LRRC7: variants seen among roughly 807,000 people sequenced by gnomAD.
The protein encoded by LRRC7 is leucine rich repeat containing 7, also known as leucine-rich repeat-containing protein 7.
Under a neutral mutation model 175.7 loss-of-function variants are expected in LRRC7, and 23 were observed. That is an observed-to-expected ratio of 0.13 (90% CI 0.09 to 0.19). The LOEUF (loss-of-function observed/expected upper bound fraction) is 0.19. Among genes scored for constraint, LRRC7 ranks in the 10% least tolerant of loss-of-function variants. The pLI is 1.00. For synonymous variants in LRRC7, 685 were observed against 680.9 expected (o/e 1.01, Z -0.09); for missense variants, 1,354 against 1,904.7 (o/e 0.71, Z 5.38).
At position 70,130,251 on chromosome 1, in the gene LRRC7, G is replaced by A. The variant is rs1190028763; in HGVS notation, c.*8364G>A. On this transcript the variant is annotated 3_prime_UTR_variant, in exon 27 of 27. Transcript: ENST00000651989. Reference sequence around the variant, plus strand: ...AGGACTTCTAGACAGAAGAGCCTCAGGAGAGGTAAAATGACCAGATGTTTT... The same window carrying A: ...AGGACTTCTAGACAGAAGAGCCTCAAGAGAGGTAAAATGACCAGATGTTTT... The A allele has an allele frequency of 6.6e-6, 1 of 152,188 alleles. No homozygotes were observed. Among genetic ancestry groups the A allele is most frequent in the Non-Finnish European group, 1.5e-5 (1 of 68,042 alleles). 9.4% of individuals were successfully genotyped at this position (152,188 alleles called of 1,614,324 possible).
chr1:70,035,076 T>C (rs1311066424), intron 18 of LRRC7, among the ~76,000 whole-genome samples: 1 of 152,204 alleles, frequency 6.6e-6, no homozygotes, highest in Non-Finnish European at 1.5e-5. Flanking sequence ...TTTTCTCTGA[T>C]TTAACAAAAT....
intron 7 of LRRC7, among the ~76,000 whole-genome samples, chr1:69,913,453 T>G (rs151247383): frequency 1.5e-5 from 2 of 137,672 alleles, no homozygotes; most frequent in Non-Finnish European, 3.3e-5. Context: ...TAATGTTTCC[T>G]GGTTTATAAC....
intron 1 of LRRC7, among the ~76,000 whole-genome samples, chr1:69,642,730 G>A (rs775302219): frequency 5.9e-5 from 9 of 151,944 alleles, no homozygotes; most frequent in Non-Finnish European, 1.2e-4. Flanking sequence ...GTTTTAAATA[G>A]ACTGAAAACT....
intron 8 of LRRC7, among the ~76,000 whole-genome samples, chr1:69,975,862 C>T (rs1278903283): frequency 6.6e-6 from 1 of 152,028 alleles, no homozygotes; most frequent in African/African-American, 2.4e-5. Flanking sequence ...CTGTCAATCT[C>T]CTCTTCATTG....
At chr1:69,973,713 G>A (rs939397641) in intron 8 of LRRC7, among the ~76,000 whole-genome samples, 2 of 152,100 alleles carry the variant, frequency 1.3e-5, no homozygotes, top group Admixed American at 6.5e-5. Context: ...AGCCTCCCCA[G>A]TAGCTGGGAT....
chr1:69,760,319 A>G lies in LRRC7; in HGVS notation c.229A>G (p.Lys77Glu), dbSNP rs1381691826. 1.2e-6 allele frequency: 2 copies of G among 1,612,844 alleles called. No individual in the cohort carries two copies. Among genetic ancestry groups the G allele is most frequent in the Admixed American group, 1.7e-5 (1 of 59,830 alleles). Residue 77 changes from lysine (K) to glutamate (E), a missense_variant, in exon 3 of 27, where the codon AAG (lysine) becomes GAG (glutamate). Lys to Glu is a moderately conservative substitution (Grantham distance 56). Transcript: ENST00000651989. ...YSHCSLQQVP[K>E]EVFNFERTLE... ...CCACTGCAGTCTTCAGCAGGTGCCA[A>G]AGGAGGTCTTTAACTTCGAACGAAC...
At chr1:69,814,627 G>A (rs1678366322) in intron 4 of LRRC7, among the ~76,000 whole-genome samples, 1 of 152,072 alleles carries the variant, frequency 6.6e-6, no homozygotes, top group Non-Finnish European at 1.5e-5. Context: ...TCCAACCTGT[G>A]CTTTTAACCA....
At chr1:69,784,421 A>G (rs1278885720) in intron 3 of LRRC7, among the ~76,000 whole-genome samples, 2 of 152,174 alleles carry the variant, frequency 1.3e-5, no homozygotes, top group East Asian at 1.9e-4. Context: ...GGGTCTGTGT[A>G]TTTCACAATA....
chr1:69,617,547 T>TAAAAAAAA (rs11473590), intron 1 of LRRC7, among the ~76,000 whole-genome samples: 10 of 61,988 alleles, frequency 1.6e-4, no homozygotes, highest in Admixed American at 2.3e-4. Context: ...ATACTCACAG[T>TAAAAAAAA]AAAAAAAAAA....
At chr1:70,072,397 C>T (rs978166999) in intron 23 of LRRC7, among the ~76,000 whole-genome samples, 9 of 152,182 alleles carry the variant, frequency 5.9e-5, no homozygotes, top group Admixed American at 5.9e-4. Context: ...TTTCTCAAGC[C>T]TTTGTGTCAG....
At chr1:69,772,775 T>C (rs1672379303) in intron 3 of LRRC7, among the ~76,000 whole-genome samples, 1 of 152,094 alleles carries the variant, frequency 6.6e-6, no homozygotes, top group Admixed American at 6.5e-5. Flanking sequence ...AGAAAGGAAA[T>C]TTAGAAAGAG....
chr1:69,629,715 ACT>A (rs1652177732), intron 1 of LRRC7, among the ~76,000 whole-genome samples: 1 of 152,140 alleles, frequency 6.6e-6, no homozygotes, highest in Admixed American at 6.5e-5. Flanking sequence ...ATTCTTAATT[ACT>A]GTCATGTTCT....
intron 8 of LRRC7, among the ~76,000 whole-genome samples, chr1:69,952,542 T>C (rs1207817632): frequency 1.3e-5 from 2 of 152,098 alleles, no homozygotes; most frequent in African/African-American, 4.8e-5. Context: ...GTTCAAACAG[T>C]TGGCTTTGCA....
rs1483968854 is a variant in LRRC7 at position 70,133,171 on chromosome 1, A to C, written c.*11284A>C. Among the ~76,000 whole-genome samples the C allele has an allele frequency of 2.0e-5, 3 of 151,984 alleles. No individual in the cohort carries two copies. The highest frequency in any genetic ancestry group is 6.6e-5 in the Admixed American group (1 of 15,230). On this transcript the variant is annotated 3_prime_UTR_variant, in exon 27 of 27. Transcript: ENST00000651989. ...CTACATTTTAAATCCCAGCCTTGGCAATTCTCTGGCTTGGGGGAGCACAGT... is the reference window on the plus strand; with the variant it reads ...CTACATTTTAAATCCCAGCCTTGGCCATTCTCTGGCTTGGGGGAGCACAGT...
At chr1:69,748,397 G>A (rs924039798) in intron 2 of LRRC7, among the ~76,000 whole-genome samples, 1 of 152,114 alleles carries the variant, frequency 6.6e-6, no homozygotes, top group African/African-American at 2.4e-5. Context: ...GAATCTCTGA[G>A]ATGAGACAAC....
intron 7 of LRRC7, among the ~76,000 whole-genome samples, chr1:69,860,288 T>C (rs897922430): frequency 2.0e-5 from 3 of 151,992 alleles, no homozygotes; most frequent in Admixed American, 1.3e-4. Context: ...ACCTGCCAGA[T>C]ACTAAAGTAC....
At chr1:69,935,772 C>G (rs945698944) in intron 8 of LRRC7, among the ~76,000 whole-genome samples, 3 of 152,056 alleles carry the variant, frequency 2.0e-5, no homozygotes, top group Admixed American at 2.0e-4. Context: ...TCTGGAGAGT[C>G]TTTTTATTTT....
intron 8 of LRRC7, among the ~76,000 whole-genome samples, chr1:69,963,878 T>C (rs1651387582): frequency 6.6e-6 from 1 of 152,188 alleles, no homozygotes. Context: ...TTTGTCTATT[T>C]TGTTTGCTTT....
intron 24 of LRRC7, among the ~76,000 whole-genome samples, chr1:70,079,059 CTTTCCTAAGTT>C (rs1663021873): frequency 6.6e-6 from 1 of 152,102 alleles, no homozygotes; most frequent in African/African-American, 2.4e-5. Flanking sequence ...GTGTGTTTTA[CTTTCCTAAGTT>C]ATATTTCTTT....
Sources: allele counts gnomAD v4.1 joint callset (sites outside exome capture counted in the v4.1 genomes callset), GRCh38; gene constraint gnomAD v4.1.1; transcripts MANE v1.5; gene names NCBI Gene and HGNC (gene_info 2026-07-23, HGNC 2026-07-21).